TP53BP2: variants seen among roughly 807,000 people sequenced by gnomAD.
TP53BP2 encodes tumor protein p53 binding protein 2.
TP53BP2 carries 62 observed loss-of-function variants against 126.2 expected under a neutral mutation model. The observed-to-expected ratio is 0.49, with a 90% confidence interval of 0.40 to 0.61. The LOEUF is 0.61. Ranked by LOEUF, TP53BP2 falls within the 20% of genes least tolerant of loss-of-function variation. The pLI, the probability that TP53BP2 is intolerant of heterozygous loss-of-function variation, is 0.00. For missense variants in TP53BP2, 1,215 were observed against 1,402.8 expected (o/e 0.87, Z 2.14); for synonymous variants, 485 against 502.9 (o/e 0.96, Z 0.48).
At chr1:223,818,683 T>G (rs1571864500) in intron 2 of TP53BP2, among the ~76,000 whole-genome samples, 1 of 150,724 alleles carries the variant, frequency 6.6e-6, no homozygotes, top group East Asian at 2.1e-4. Context: ...CAAGGGATTC[T>G]CCTGCCTCAG....
chr1:223,826,421 C>T (rs556839092), intron 1 of TP53BP2, among the ~76,000 whole-genome samples: 87 of 152,262 alleles, frequency 5.7e-4, no homozygotes, highest in Non-Finnish European at 1.2e-3. Context: ...GAAACCACGT[C>T]CTGAGAACCA....
chr1:223,795,707 G>A, intron 13 of TP53BP2, 108 bp downstream of exon 13: 1 of 1,022,770 alleles, frequency 9.8e-7, no homozygotes, highest in Non-Finnish European at 1.4e-6. Flanking sequence ...CTGTGCCAAG[G>A]GAATCGTAAA....
intron 3 of TP53BP2, among the ~76,000 whole-genome samples, chr1:223,813,404 G>A (rs769918120): frequency 2.6e-5 from 4 of 152,052 alleles, no homozygotes; most frequent in South Asian, 2.1e-4. Context: ...AATCTCAGGC[G>A]TCTCACTCAT....
At position 223,802,823 on chromosome 1, in the gene TP53BP2, A is replaced by C; in HGVS notation, c.904T>G (p.Ser302Ala). ...QQRECLNKRN[S>A]EVAVMDKRVN... ...CGCTTATCCATGACTGCCACTTCTG[A>C]ATTACGCTTATTCAAACACTCCCTC... The change falls in exon 8 of 18, where the codon TCA becomes GCA. Residue 302 changes from serine to alanine, a missense_variant. By Grantham distance (99) the Ser-to-Ala change is moderately conservative (BLOSUM62 1). Around this residue, in one of 4 missense-constraint regions of TP53BP2, gnomAD observed 814 missense variants for 853.0 expected, o/e 0.95. Coordinates refer to ENST00000343537, the MANE Select transcript of TP53BP2 (RefSeq NM_001031685.3). 1.2e-6 allele frequency: 2 copies of C among 1,614,138 alleles called. No individual in the cohort carries two copies.
At chr1:223,821,143 C>A in intron 2 of TP53BP2, 77 bp downstream of exon 2, 1 of 1,576,494 alleles carries the variant, frequency 6.3e-7, no homozygotes, top group South Asian at 1.1e-5. Flanking sequence ...CATGAGCATT[C>A]ACACAGTGCC....
At chr1:223,836,147 C>T (rs909581442) in intron 1 of TP53BP2, among the ~76,000 whole-genome samples, 2 of 152,198 alleles carry the variant, frequency 1.3e-5, no homozygotes, top group Admixed American at 6.5e-5. Context: ...CAATTCCCAA[C>T]CCACAAGCCA....
Position 223,842,235 on chromosome 1 carries a change from C to T in TP53BP2, c.27+3419G>A, listed in dbSNP as rs1371622445. On this transcript the variant is annotated intron_variant, in intron 1 of 17. Transcript: ENST00000343537. ...TTACAGGCGTAGCCACCGTGCCCGG[C>T]CCAGCTATTATTTTCTTAAAACCAT... Among the ~76,000 whole-genome samples the T allele has an allele frequency of 3.3e-5, 5 of 152,316 alleles. No individual in the cohort carries two copies. In the East Asian group the frequency reaches 9.6e-4, roughly 29 times the overall value.
chr1:223,835,141 G>A (rs1663875788), intron 1 of TP53BP2, among the ~76,000 whole-genome samples: 1 of 152,238 alleles, frequency 6.6e-6, no homozygotes, highest in African/African-American at 2.4e-5. Flanking sequence ...CAAAGAGGAT[G>A]TTCACATCCT....
At chr1:223,801,043 G>A (rs944790151) in intron 9 of TP53BP2, among the ~76,000 whole-genome samples, 1 of 152,164 alleles carries the variant, frequency 6.6e-6, no homozygotes, top group African/African-American at 2.4e-5. Context: ...AACCAGCAAA[G>A]ACACATTATT....
chr1:223,804,237 G>C lies in TP53BP2; in HGVS notation c.586C>G (p.Leu196Val). 6.2e-7 allele frequency: 1 copy of C among 1,613,984 alleles called. No individual in the cohort carries two copies. The highest frequency in any genetic ancestry group is 8.5e-7 in the Non-Finnish European group (1 of 1,179,938). Residue 196 changes from leucine to valine, a missense_variant, in exon 6 of 18, where the codon CTA becomes GTA. Leu to Val is a conservative substitution (Grantham distance 32). Coordinates refer to ENST00000343537, the MANE Select transcript of TP53BP2 (RefSeq NM_001031685.3). ...KEIAENQEAK[L>V]KKVRALKGHV... ...CCTTTAAGTGCTCTCACTTTTTTTA[G>C]CTTAGCTTCCTGATTCTCAGCTATT...
At chr1:223,844,119 T>C (rs1174384031) in intron 1 of TP53BP2, among the ~76,000 whole-genome samples, 1 of 152,172 alleles carries the variant, frequency 6.6e-6, no homozygotes, top group Non-Finnish European at 1.5e-5. Flanking sequence ...AGCTGAGCAA[T>C]ACTGAAGTGT....
At chr1:223,807,414 C>T (rs1662761620) in intron 4 of TP53BP2, among the ~76,000 whole-genome samples, 1 of 152,146 alleles carries the variant, frequency 6.6e-6, no homozygotes, top group South Asian at 2.1e-4. Context: ...AGGACATCCA[C>T]TCTCACAACA....
Position 223,798,650 on chromosome 1 carries a change from G to A in TP53BP2, c.1513C>T (p.Pro505Ser), listed in dbSNP as rs765645019. Residue 505 changes from proline (P) to serine (S), a missense_variant, in exon 12 of 18, where the codon CCA becomes TCA. Pro to Ser is a moderately conservative substitution (Grantham distance 74). Around this residue, in one of 4 missense-constraint regions of TP53BP2, gnomAD observed 814 missense variants for 853.0 expected, o/e 0.95. Transcript: ENST00000343537. ...QVANKNVAKV[P>S]PPVPTKPKQI... The stretch of plus-strand genomic sequence containing the variant: ...TTTGGTTTTGTAGGAACAGGAGGTG[G>A]TACTTTAGCCACATTTTTATTTGCA... 6.2e-7 allele frequency: 1 copy of A among 1,610,310 alleles called. No homozygotes were observed. Among genetic ancestry groups the A allele is most frequent in the Admixed American group, 1.7e-5 (1 of 59,558 alleles).
At chr1:223,804,403 C>G in intron 5 of TP53BP2, 55 bp from the exon 6 acceptor site, 1 of 1,514,094 alleles carries the variant, frequency 6.6e-7, no homozygotes, top group Non-Finnish European at 9.1e-7. Context: ...CACCACTAAG[C>G]TCAAAATAGC....
chr1:223,820,966 T>C (rs1390644215), intron 2 of TP53BP2: 5 of 537,986 alleles, frequency 9.3e-6, no homozygotes, highest in Non-Finnish European at 1.7e-5. Context: ...TTGAGCACCA[T>C]CCACTGGACC....
intron 2 of TP53BP2, 143 bp downstream of exon 2, chr1:223,821,077 G>C: frequency 2.0e-6 from 2 of 1,023,446 alleles, no homozygotes; most frequent in African/African-American, 3.2e-5. Flanking sequence ...ACCAAAGCTG[G>C]ATCAGGAACA....
rs745360056 is a variant in TP53BP2, at chr1:223,810,521, C to T, written c.290-8G>A. 10 of 1,584,576 alleles carry T rather than the reference C, an allele frequency of 6.3e-6. No individual in the cohort carries two copies. In the Admixed American group the frequency reaches 1.8e-4, roughly 29 times the overall value. On this transcript the variant is annotated splice_region_variant and splice_polypyrimidine_tract_variant and intron_variant, in intron 3 of 17. Transcript: ENST00000343537. ...GAGATCTTGGTCCACTCACTAAGGACAAAATTCAAAAACTATGCATTAACA... is the reference window on the plus strand; with the variant it reads ...GAGATCTTGGTCCACTCACTAAGGATAAAATTCAAAAACTATGCATTAACA...
At chr1:223,818,512 AAAAAAG>A (rs1337434186) in intron 2 of TP53BP2, among the ~76,000 whole-genome samples, 5 of 151,602 alleles carry the variant, frequency 3.3e-5, no homozygotes, top group East Asian at 4.0e-4. Context: ...CAAAAAAAAA[AAAAAAG>A]AAAAGAAAAG....
intron 16 of TP53BP2, among the ~76,000 whole-genome samples, chr1:223,786,658 G>C (rs1661974050): frequency 6.6e-6 from 1 of 151,598 alleles, no homozygotes; most frequent in African/African-American, 2.4e-5. Context: ...CCAGGCTGGA[G>C]TGCAGTGGCG....
Sources: allele counts gnomAD v4.1 joint callset (sites outside exome capture counted in the v4.1 genomes callset), GRCh38; gene constraint gnomAD v4.1.1; regional missense constraint gnomAD v4.1.1; transcripts MANE v1.5; gene names NCBI Gene and HGNC (gene_info 2026-07-23, HGNC 2026-07-21).